Variants in PSD3 observed in about 807,000 individuals in gnomAD.
PSD3 encodes the protein PH and SEC7 domain-containing protein 3.
Under a neutral mutation model 105.5 loss-of-function variants are expected in PSD3, and 49 were observed. The ratio of observed to expected loss-of-function variants is 0.46; its 90% CI spans 0.37 to 0.59. The LOEUF is 0.59. PSD3 is among the 20% of genes least tolerant of loss of function. The probability of loss-of-function intolerance (pLI) is 0.00; values close to 1 mark genes in which losing one functional copy is unlikely to be tolerated. For missense variants in PSD3, 1,561 were observed against 1,263.8 expected (o/e 1.24, Z -3.57); for synonymous variants, 557 against 457.8 (o/e 1.22, Z -2.77).
At chr8:18,613,524 C>T (rs891685512) in intron 11 of PSD3, among the ~76,000 whole-genome samples, 5 of 151,592 alleles carry the variant, frequency 3.3e-5, no homozygotes, top group African/African-American at 1.2e-4. Flanking sequence ...CTTTCCTGGT[C>T]GTGTGACAAG....
Position 18,804,904 on chromosome 8 carries a change from A to T in PSD3, c.1635-6T>A. The T allele has an allele frequency of 6.3e-7, 1 of 1,576,828 alleles. No homozygotes were observed. Among genetic ancestry groups the T allele is most frequent in the South Asian group, 1.2e-5 (1 of 86,458 alleles). On this transcript the variant is annotated splice_polypyrimidine_tract_variant and splice_region_variant and intron_variant, in intron 4 of 15. Transcript: ENST00000327040. Reference sequence around the variant, plus strand: ...TTGTTTTCACCCCAGCATTGCTATGATAATTGATAAAGAGAGAAAATAATA... The same window carrying T: ...TTGTTTTCACCCCAGCATTGCTATGTTAATTGATAAAGAGAGAAAATAATA...
intron 4 of PSD3, chr8:18,808,733 T>C (rs1811418888): frequency 6.2e-7 from 1 of 1,613,918 alleles, no homozygotes; most frequent in African/African-American, 1.3e-5. Flanking sequence ...AGCTTGACAA[T>C]ATGATGGCAA....
chr8:18,920,451 G>A (rs1268664003), intron 2 of PSD3, among the ~76,000 whole-genome samples: 1 of 152,192 alleles, frequency 6.6e-6, no homozygotes, highest in Non-Finnish European at 1.5e-5. Context: ...AGATACAGCG[G>A]TATTGAAATG....
chr8:18,976,729 G>A (rs1824961198), intron 1 of PSD3, among the ~76,000 whole-genome samples: 1 of 152,190 alleles, frequency 6.6e-6, no homozygotes, highest in Non-Finnish European at 1.5e-5. Context: ...GTACTATGTA[G>A]CAGGCACTGT....
intron 15 of PSD3, among the ~76,000 whole-genome samples, chr8:18,548,144 G>T (rs188049426): frequency 8.8e-4 from 134 of 152,226 alleles, no homozygotes; most frequent in African/African-American, 3.1e-3. Context: ...TTCAGCTCCA[G>T]AATTTGTTTG....
rs28707203 is a variant in PSD3, at chr8:19,024,848, C to T, written c.324+59358G>A. ...AAAACCCTGAAGCATCCCCAGTCCC[C>T]TGTCCTATGCATTCCTTTCATTTGG... On this transcript the variant is annotated intron_variant, in intron 1 of 1. Coordinates refer to the PSD3 transcript ENST00000521475. Among the ~76,000 whole-genome samples the T allele has an allele frequency of 4.2e-3, 644 of 152,254 alleles. 3 individuals are homozygous for T. Among genetic ancestry groups the T allele is most frequent in the African/African-American group, 0.015 (627 of 41,556 alleles).
intron 1 of PSD3, among the ~76,000 whole-genome samples, chr8:18,988,838 C>T (rs1020972196): frequency 1.3e-5 from 2 of 152,126 alleles, no homozygotes; most frequent in African/African-American, 2.4e-5. Context: ...CATTGTTTTA[C>T]AAGTCTACAG....
chr8:19,081,462 C>T (rs975022545), intron 1 of PSD3, among the ~76,000 whole-genome samples: 1 of 152,178 alleles, frequency 6.6e-6, no homozygotes, highest in Non-Finnish European at 1.5e-5. Context: ...GAGGGCTGGG[C>T]CCAAGCTGCT....
At chr8:19,074,611 ATTTTTTT>A (rs1206111403) in intron 1 of PSD3, among the ~76,000 whole-genome samples, 5 of 24,220 alleles carry the variant, frequency 2.1e-4, no homozygotes, top group South Asian at 1.5e-3. Context: ...ATATATATAT[ATTTTTTT>A]TTTTTTTTTT....
At chr8:19,025,229 A>G (rs1406385241) in intron 1 of PSD3, among the ~76,000 whole-genome samples, 1 of 152,190 alleles carries the variant, frequency 6.6e-6, no homozygotes, top group Non-Finnish European at 1.5e-5. Context: ...GTGCCATAAT[A>G]GTTCATGGAA....
chr8:18,752,540 T>C (rs187256364), intron 9 of PSD3, among the ~76,000 whole-genome samples: 978 of 35,932 alleles, frequency 0.027, 50 homozygotes, highest in African/African-American at 0.13. Context: ...TTATATATTA[T>C]ATATATTATA....
intron 4 of PSD3, among the ~76,000 whole-genome samples, chr8:18,812,671 G>A (rs548215075): frequency 6.6e-6 from 1 of 152,312 alleles, no homozygotes; most frequent in East Asian, 1.9e-4. Context: ...AGTTAACACA[G>A]GTTGTGAGAA....
chr8:18,601,837 C>A (rs888531895), intron 11 of PSD3, among the ~76,000 whole-genome samples: 1 of 152,138 alleles, frequency 6.6e-6, no homozygotes, highest in Non-Finnish European at 1.5e-5. Flanking sequence ...GCACTGCGCA[C>A]ACAGAAGAGA....
chr8:18,585,471 C>G (rs886693906), intron 12 of PSD3, among the ~76,000 whole-genome samples: 14 of 152,106 alleles, frequency 9.2e-5, no homozygotes, highest in African/African-American at 3.4e-4. Context: ...GCAAGTACCA[C>G]TATGTCTGGC....
intron 9 of PSD3, among the ~76,000 whole-genome samples, chr8:18,696,465 C>A (rs78959373): frequency 0.021 from 3,132 of 152,318 alleles, 223 homozygotes; most frequent in East Asian, 0.14. Flanking sequence ...CAAGACTATG[C>A]TCTTTCAATT....
chr8:19,037,504 A>C (rs557950137), intron 1 of PSD3, among the ~76,000 whole-genome samples: 1 of 152,352 alleles, frequency 6.6e-6, no homozygotes, highest in South Asian at 2.1e-4. Flanking sequence ...CTGGTAAAAA[A>C]TTATTTCTGG....
At chr8:18,780,984 G>T (rs1487437374) in intron 8 of PSD3, among the ~76,000 whole-genome samples, 2 of 152,096 alleles carry the variant, frequency 1.3e-5, no homozygotes, top group African/African-American at 4.8e-5. Flanking sequence ...CCTTGCTTTG[G>T]AAAGCATTTA....
chr8:18,614,825 G>C (rs551298678), intron 11 of PSD3, among the ~76,000 whole-genome samples: 7 of 149,808 alleles, frequency 4.7e-5, no homozygotes, highest in South Asian at 2.1e-4. Flanking sequence ...TCATAGACAC[G>C]GGGTCTTGCA....
chr8:18,707,506 CT>C (rs1226887635), intron 9 of PSD3, among the ~76,000 whole-genome samples: 1 of 152,198 alleles, frequency 6.6e-6, no homozygotes, highest in Non-Finnish European at 1.5e-5. Flanking sequence ...ACACTTGCTA[CT>C]ACTGCCAGGC....
Sources: gnomAD v4.1 joint callset for allele counts (sites outside exome capture counted in the v4.1 genomes callset) on GRCh38, gnomAD v4.1.1 for gene constraint, MANE v1.5 for transcripts, NCBI Gene and HGNC (gene_info 2026-07-23, HGNC 2026-07-21) for gene names.